The following FAF1 variants were observed in gnomAD, a reference collection of about 807,000 sequenced individuals.
FAF1 encodes the protein FAS-associated factor 1.
Under a neutral mutation model 92.5 loss-of-function variants are expected in FAF1, and 25 were observed. That is an observed-to-expected ratio of 0.27 (90% CI 0.20 to 0.38). The LOEUF (loss-of-function observed/expected upper bound fraction) is 0.38, where lower values mean the gene tolerates loss of function less well. Ranked by LOEUF, FAF1 falls within the 10% of genes least tolerant of loss-of-function variation. FAF1 has a pLI of 1.00. For synonymous variants in FAF1, 234 were observed against 273.2 expected, an observed-to-expected ratio of 0.86 and a Z score of 1.42; for missense variants, 636 against 793.3, an observed-to-expected ratio of 0.80 and a Z score of 2.38.
chr1:50,447,477 A>C (rs1646243347), intron 18 of FAF1, among the ~76,000 whole-genome samples: 2 of 152,224 alleles, frequency 1.3e-5, no homozygotes, highest in Admixed American at 6.5e-5. Context: ...AGCATCTTAA[A>C]GGCAGAAAAG....
chr1:50,824,202 T>G (rs1644071619), intron 2 of FAF1, among the ~76,000 whole-genome samples: 1 of 152,186 alleles, frequency 6.6e-6, no homozygotes, highest in Non-Finnish European at 1.5e-5. Flanking sequence ...TCTACTAGCT[T>G]AAAAGTTTAT....
At chr1:50,554,384 T>TAGAGAGAGAGAGAGAGAG (rs1470102231) in intron 13 of FAF1, among the ~76,000 whole-genome samples, 1 of 97,942 alleles carries the variant, frequency 1.0e-5, no homozygotes, top group African/African-American at 4.9e-5. Context: ...TATATATATA[T>TAGAGAGAGAGAGAGAGAG]ATATATAGAG....
intron 2 of FAF1, among the ~76,000 whole-genome samples, chr1:50,842,656 C>T (rs1305259866): frequency 2.6e-5 from 4 of 152,022 alleles, no homozygotes; most frequent in Admixed American, 6.5e-5. Flanking sequence ...ACCTCAGGGC[C>T]TTTGTGTTTG....
intron 7 of FAF1, among the ~76,000 whole-genome samples, chr1:50,686,675 G>A (rs1424950691): frequency 6.6e-6 from 1 of 152,048 alleles, no homozygotes; most frequent in Non-Finnish European, 1.5e-5. Flanking sequence ...AAACTATCCA[G>A]TGCTTAATAT....
At chr1:50,946,949 G>C (rs1466108941) in intron 1 of FAF1, among the ~76,000 whole-genome samples, 1 of 152,070 alleles carries the variant, frequency 6.6e-6, no homozygotes, top group African/African-American at 2.4e-5. Context: ...AAAATCTTTG[G>C]AAAGATGGAA....
intron 2 of FAF1, among the ~76,000 whole-genome samples, chr1:50,804,061 T>C (rs1022446958): frequency 6.6e-6 from 1 of 152,182 alleles, no homozygotes; most frequent in Non-Finnish European, 1.5e-5. Flanking sequence ...ACATGTTAAC[T>C]TTCAGGTCAC....
At chr1:50,784,460 AT>A (rs774381564) in intron 4 of FAF1, among the ~76,000 whole-genome samples, 6 of 152,198 alleles carry the variant, frequency 3.9e-5, no homozygotes, top group Non-Finnish European at 8.8e-5. Context: ...TTCAAAAAGA[AT>A]AAAATGCTTA....
intron 1 of FAF1, among the ~76,000 whole-genome samples, chr1:50,906,204 T>C (rs1644836928): frequency 1.3e-5 from 2 of 152,208 alleles, no homozygotes; most frequent in African/African-American, 4.8e-5. Context: ...TGTGGTATTA[T>C]TTCTGAGGGC....
intron 2 of FAF1, among the ~76,000 whole-genome samples, chr1:50,813,978 T>TAC (rs1331988201): frequency 6.6e-6 from 1 of 152,102 alleles, no homozygotes; most frequent in East Asian, 1.9e-4. Flanking sequence ...CATATATATA[T>TAC]ACTATGTTTT....
At chr1:50,500,786 A>T (rs544765618) in intron 15 of FAF1, among the ~76,000 whole-genome samples, 4 of 152,264 alleles carry the variant, frequency 2.6e-5, no homozygotes, top group Admixed American at 6.5e-5. Context: ...AAGTAAAAAT[A>T]AAAAAATTAA....
At chr1:50,676,498 T>C (rs995834518) in intron 7 of FAF1, among the ~76,000 whole-genome samples, 1 of 151,658 alleles carries the variant, frequency 6.6e-6, no homozygotes, top group African/African-American at 2.4e-5. Flanking sequence ...TTATTTTCAA[T>C]GTAACAATCA....
intron 18 of FAF1, among the ~76,000 whole-genome samples, chr1:50,444,534 A>G (rs1646206341): frequency 6.6e-6 from 1 of 152,210 alleles, no homozygotes; most frequent in Admixed American, 6.5e-5. Context: ...CCAGCTAGTC[A>G]GAAACAACTT....
chr1:50,756,424 T>A (rs953780094), intron 4 of FAF1, among the ~76,000 whole-genome samples: 2 of 148,412 alleles, frequency 1.3e-5, no homozygotes, highest in African/African-American at 5.3e-5. Context: ...CATATCGCTA[T>A]CAGCATTTTG....
intron 18 of FAF1, among the ~76,000 whole-genome samples, chr1:50,456,302 C>T (rs1646352274): frequency 6.6e-6 from 1 of 152,086 alleles, no homozygotes; most frequent in Non-Finnish European, 1.5e-5. Context: ...GAGAGGCTGA[C>T]AACTGGCTAT....
intron 6 of FAF1, among the ~76,000 whole-genome samples, chr1:50,726,173 T>C (rs1029001081): frequency 7.9e-5 from 12 of 151,570 alleles, no homozygotes; most frequent in Non-Finnish European, 1.5e-4. Context: ...GGAGAATCAC[T>C]TGAACTCAGG....
chr1:50,753,224 C>T (rs1053490059), intron 4 of FAF1, among the ~76,000 whole-genome samples: 4 of 152,192 alleles, frequency 2.6e-5, no homozygotes, highest in Non-Finnish European at 5.9e-5. Flanking sequence ...ATTTCTATGA[C>T]TGTGCCTTAG....
intron 8 of FAF1, among the ~76,000 whole-genome samples, chr1:50,634,677 AATAC>A (rs1653933036): frequency 6.6e-6 from 1 of 152,212 alleles, no homozygotes; most frequent in Admixed American, 6.5e-5. Context: ...TATGTATTAG[AATAC>A]TGGGCTAGCA....
At chr1:50,496,978 T>C (rs927841743) in intron 15 of FAF1, among the ~76,000 whole-genome samples, 1 of 151,022 alleles carries the variant, frequency 6.6e-6, no homozygotes, top group Non-Finnish European at 1.5e-5. Context: ...GGGGGTGAGG[T>C]GAAGAAAAGT....
At chr1:50,723,082 A>G (rs1383424651) in intron 6 of FAF1, among the ~76,000 whole-genome samples, 1 of 152,170 alleles carries the variant, frequency 6.6e-6, no homozygotes, top group Non-Finnish European at 1.5e-5. Flanking sequence ...ATATTTGTGC[A>G]GATTATGAGG....
Sources: gnomAD v4.1 joint callset for allele counts (sites outside exome capture counted in the v4.1 genomes callset) on GRCh38, gnomAD v4.1.1 for gene constraint, MANE v1.5 for transcripts, NCBI Gene and HGNC (gene_info 2026-07-23, HGNC 2026-07-21) for gene names.